The following COBLL1 variants were observed in gnomAD, a reference collection of about 807,000 sequenced individuals.
The protein encoded by COBLL1 is cordon-bleu protein-like 1.
Under a neutral mutation model 94.8 loss-of-function variants are expected in COBLL1, and 50 were observed. The ratio of observed to expected loss-of-function variants is 0.53; its 90% CI spans 0.42 to 0.67. The LOEUF (loss-of-function observed/expected upper bound fraction) is 0.67. Ranked by LOEUF, COBLL1 falls within the 30% of genes least tolerant of loss-of-function variation. The pLI is 0.00. For synonymous variants in COBLL1, 448 were observed against 473.8 expected (o/e 0.95, Z 0.71); for missense variants, 1,362 against 1,348.7 (o/e 1.01, Z -0.15).
At chr2:164,688,055 T>C (rs1683398575) in intron 13 of COBLL1, among the ~76,000 whole-genome samples, 1 of 117,010 alleles carries the variant, frequency 8.5e-6, no homozygotes, top group Non-Finnish European at 1.7e-5. Flanking sequence ...TTTAAAAGAA[T>C]AGTATATGAA....
chr2:164,811,182 A>C (rs545476695), intron 2 of COBLL1, among the ~76,000 whole-genome samples: 2 of 151,948 alleles, frequency 1.3e-5, no homozygotes, highest in Admixed American at 1.3e-4. Context: ...TTTTGTTTAC[A>C]TGTTTCTTCT....
chr2:164,732,830 C>A (rs901493138), intron 3 of COBLL1, among the ~76,000 whole-genome samples: 2 of 152,074 alleles, frequency 1.3e-5, no homozygotes, highest in Non-Finnish European at 2.9e-5. Context: ...CCGAGGCAGG[C>A]GGATCATGAC....
chr2:164,724,245 A>C (rs1390480320), intron 5 of COBLL1: 1 of 152,200 alleles, frequency 6.6e-6, no homozygotes, highest in Non-Finnish European at 1.5e-5. Context: ...ATTGATGGCT[A>C]ACATCAGAAA....
At chr2:164,828,675 A>G (rs936590720) in intron 2 of COBLL1, among the ~76,000 whole-genome samples, 11 of 152,230 alleles carry the variant, frequency 7.2e-5, no homozygotes, top group African/African-American at 2.7e-4. Context: ...CAGGCTCTCA[A>G]GCAACTGAGA....
At chr2:164,797,808 T>C (rs1683547067) in intron 2 of COBLL1, among the ~76,000 whole-genome samples, 1 of 152,214 alleles carries the variant, frequency 6.6e-6, no homozygotes, top group Non-Finnish European at 1.5e-5. Context: ...AAACAGAAAG[T>C]TAACCATTTC....
intron 2 of COBLL1, among the ~76,000 whole-genome samples, chr2:164,815,771 C>T (rs1007873426): frequency 1.8e-4 from 28 of 152,114 alleles, no homozygotes; most frequent in Admixed American, 1.8e-3. Context: ...CCATATTATT[C>T]ATTCTAACAC....
intron 2 of COBLL1, among the ~76,000 whole-genome samples, chr2:164,753,740 T>TTTTA (rs11311015): frequency 1.7e-5 from 1 of 58,728 alleles, no homozygotes; most frequent in African/African-American, 2.1e-4. Context: ...AGTATGGGAA[T>TTTTA]TTTTTTTTTT....
intron 7 of COBLL1, among the ~76,000 whole-genome samples, chr2:164,708,740 T>G (rs569335522): frequency 5.9e-5 from 9 of 152,346 alleles, no homozygotes; most frequent in African/African-American, 2.2e-4. Context: ...AGTTTACCAG[T>G]AAGAATGCAA....
intron 9 of COBLL1, among the ~76,000 whole-genome samples, chr2:164,701,841 C>T (rs1684280846): frequency 7.1e-6 from 1 of 141,400 alleles, no homozygotes; most frequent in Admixed American, 7.4e-5. Flanking sequence ...TTTCCATATA[C>T]ACCACAGTAT....
At chr2:164,833,442 C>T (rs1201751686) in intron 2 of COBLL1, among the ~76,000 whole-genome samples, 2 of 135,934 alleles carry the variant, frequency 1.5e-5, no homozygotes, top group Non-Finnish European at 3.0e-5. Flanking sequence ...ATTTCTCCTG[C>T]CTTTACATTT....
chr2:164,781,049 C>T (rs1688702163), intron 2 of COBLL1, among the ~76,000 whole-genome samples: 1 of 152,176 alleles, frequency 6.6e-6, no homozygotes, highest in Non-Finnish European at 1.5e-5. Context: ...TAACGCATTT[C>T]CCTCTGTAAT....
Position 164,685,798 on chromosome 2 carries a change from T to C in COBLL1, c.*148A>G. The C allele has an allele frequency of 2.4e-6, 1 of 413,526 alleles. No individual in the cohort carries two copies. The highest frequency in any genetic ancestry group is 4.4e-6 in the Non-Finnish European group (1 of 229,722). 25.6% of individuals were successfully genotyped at this position (413,526 alleles called of 1,614,324 possible). ...AAATTATAAATTCTGGTAACTTTTC[T>C]TCTGGCATTAAAAGCCACAACACAA... On this transcript the variant is annotated 3_prime_UTR_variant, in exon 14 of 14. Transcript: ENST00000652658.
chr2:164,822,261 T>A (rs1559050007), intron 2 of COBLL1, among the ~76,000 whole-genome samples: 1 of 152,188 alleles, frequency 6.6e-6, no homozygotes, highest in Non-Finnish European at 1.5e-5. Context: ...TCACTGTTCA[T>A]AATAAGTCAC....
intron 7 of COBLL1, among the ~76,000 whole-genome samples, chr2:164,714,511 A>C (rs1006369849): frequency 5.9e-5 from 9 of 152,094 alleles, no homozygotes; most frequent in Admixed American, 2.6e-4. Context: ...ACAGGGTAGG[A>C]GAATGTGAAT....
chr2:164,758,603 C>A (rs1440488027), intron 2 of COBLL1, among the ~76,000 whole-genome samples: 1 of 152,012 alleles, frequency 6.6e-6, no homozygotes, highest in Non-Finnish European at 1.5e-5. Flanking sequence ...ATGGGAGAAT[C>A]ACTGTGGTTT....
intron 2 of COBLL1, among the ~76,000 whole-genome samples, chr2:164,805,350 T>TATATACATATATATAA (rs1684084187): frequency 8.9e-6 from 1 of 112,962 alleles, no homozygotes; most frequent in Non-Finnish European, 1.8e-5. Flanking sequence ...TATATATATA[T>TATATACATATATATAA]ATATATATAT....
At chr2:164,674,529 T>G (rs1558905190) in intron 1 of COBLL1, among the ~76,000 whole-genome samples, 1 of 152,212 alleles carries the variant, frequency 6.6e-6, no homozygotes, top group Non-Finnish European at 1.5e-5. Flanking sequence ...AGCTTCCTCA[T>G]TTATAAGACA....
At chr2:164,825,696 G>T (rs1433114820) in intron 2 of COBLL1, among the ~76,000 whole-genome samples, 1 of 152,156 alleles carries the variant, frequency 6.6e-6, no homozygotes, top group African/African-American at 2.4e-5. Flanking sequence ...CTAATTTTCA[G>T]ACTATGCCAT....
chr2:164,758,730 T>C (rs541907862), intron 2 of COBLL1, among the ~76,000 whole-genome samples: 1 of 152,308 alleles, frequency 6.6e-6, no homozygotes, highest in East Asian at 1.9e-4. Context: ...ACCTCTTTTT[T>C]CTTTGGCACA....
Sources: allele counts gnomAD v4.1 joint callset (sites outside exome capture counted in the v4.1 genomes callset), GRCh38; gene constraint gnomAD v4.1.1; transcripts MANE v1.5; gene names NCBI Gene and HGNC (gene_info 2026-07-23, HGNC 2026-07-21).